Variants in ERC2 observed in about 807,000 individuals in gnomAD.
The protein encoded by ERC2 is ELKS/RAB6-interacting/CAST family member 2.
A neutral mutation model predicts 114.8 loss-of-function variants in ERC2; 42 were observed. The ratio of observed to expected loss-of-function variants is 0.37; its 90% CI spans 0.29 to 0.47. The LOEUF is 0.47. Among genes scored for constraint, ERC2 ranks in the 20% least tolerant of loss-of-function variants. ERC2 has a pLI of 0.99. For missense variants in ERC2, 939 were observed against 1,150.7 expected (o/e 0.82, Z 2.66); for synonymous variants, 454 against 425.5 (o/e 1.07, Z -0.82).
chr3:56,061,589 C>G (rs2076247730), intron 7 of ERC2, among the ~76,000 whole-genome samples: 1 of 152,120 alleles, frequency 6.6e-6, no homozygotes, highest in African/African-American at 2.4e-5. Context: ...AAATAAAGGT[C>G]TTGTGGCAAT....
chr3:56,204,648 G>A (rs181232816), intron 3 of ERC2, among the ~76,000 whole-genome samples: 10 of 151,846 alleles, frequency 6.6e-5, no homozygotes, highest in South Asian at 4.2e-4. Context: ...GATTACAGTC[G>A]TGTACCACCA....
chr3:55,911,483 T>A (rs1186667300), intron 13 of ERC2, among the ~76,000 whole-genome samples: 1 of 152,224 alleles, frequency 6.6e-6, no homozygotes, highest in African/African-American at 2.4e-5. Flanking sequence ...CAGATAATTA[T>A]CTTTAAGGCC....
intron 4 of ERC2, among the ~76,000 whole-genome samples, chr3:56,163,121 T>C (rs1366335937): frequency 6.6e-6 from 1 of 152,170 alleles, no homozygotes; most frequent in Non-Finnish European, 1.5e-5. Context: ...TTTCACTGTT[T>C]ACTCAAAAGT....
intron 2 of ERC2, among the ~76,000 whole-genome samples, chr3:56,318,535 T>A (rs1003748590): frequency 7.3e-5 from 11 of 151,626 alleles, no homozygotes; most frequent in African/African-American, 2.7e-4. Context: ...AAACCATGTA[T>A]CTGATAAGGG....
chr3:56,279,080 G>A (rs768998948), intron 3 of ERC2, among the ~76,000 whole-genome samples: 44 of 152,306 alleles, frequency 2.9e-4, no homozygotes, highest in Admixed American at 1.4e-3. Context: ...CTAGGGGAGA[G>A]ACATACAGAA....
At chr3:55,906,574 G>A (rs746082038) in intron 13 of ERC2, among the ~76,000 whole-genome samples, 5 of 152,070 alleles carry the variant, frequency 3.3e-5, no homozygotes, top group Admixed American at 1.3e-4. Flanking sequence ...CTGAGGATGC[G>A]GTCCAACAAT....
chr3:55,574,549 G>C (rs1158860816), intron 17 of ERC2, among the ~76,000 whole-genome samples: 1 of 152,128 alleles, frequency 6.6e-6, no homozygotes, highest in Non-Finnish European at 1.5e-5. Flanking sequence ...TAAAATCTCA[G>C]GTCTGTTACC....
chr3:56,249,794 A>C (rs2052005767), intron 3 of ERC2, among the ~76,000 whole-genome samples: 1 of 151,440 alleles, frequency 6.6e-6, no homozygotes, highest in African/African-American at 2.4e-5. Context: ...AACTAAGATT[A>C]GTATCCATTT....
At chr3:56,244,114 C>T (rs1217084586) in intron 3 of ERC2, among the ~76,000 whole-genome samples, 1 of 152,088 alleles carries the variant, frequency 6.6e-6, no homozygotes, top group African/African-American at 2.4e-5. Flanking sequence ...ACAAGGAACA[C>T]CACACTATAT....
chr3:55,666,171 C>A (rs902180326), intron 17 of ERC2, among the ~76,000 whole-genome samples: 1 of 152,158 alleles, frequency 6.6e-6, no homozygotes, highest in African/African-American at 2.4e-5. Context: ...AGCTCATCAG[C>A]GGTGGAGCGG....
At chr3:55,679,969 C>T (rs2061983178) in intron 17 of ERC2, among the ~76,000 whole-genome samples, 1 of 152,226 alleles carries the variant, frequency 6.6e-6, no homozygotes, top group South Asian at 2.1e-4. Flanking sequence ...CTCCTTCTTT[C>T]ATTCTTCCAG....
At chr3:56,338,222 G>A (rs192750146) in intron 2 of ERC2, among the ~76,000 whole-genome samples, 8 of 152,284 alleles carry the variant, frequency 5.3e-5, no homozygotes, top group East Asian at 1.9e-4. Context: ...TCCTTACTTC[G>A]TGATGGTTAC....
At chr3:56,416,993 T>C (rs929939602) in intron 2 of ERC2, among the ~76,000 whole-genome samples, 3 of 152,216 alleles carry the variant, frequency 2.0e-5, no homozygotes, top group African/African-American at 7.2e-5. Context: ...GGGGATCATT[T>C]CTTTGGTACA....
At chr3:56,219,152 G>T (rs13070591) in intron 3 of ERC2, among the ~76,000 whole-genome samples, 68,951 of 151,844 alleles carry the variant, frequency 0.45, 16,099 homozygotes, top group East Asian at 0.71. Flanking sequence ...AAATAAAATT[G>T]TAAAAAAAGA....
intron 6 of ERC2, among the ~76,000 whole-genome samples, chr3:56,121,903 A>G (rs1426556074): frequency 2.6e-5 from 4 of 152,212 alleles, no homozygotes. Flanking sequence ...TTGCTGCCAC[A>G]TGTGCTTGAC....
intron 14 of ERC2, among the ~76,000 whole-genome samples, chr3:55,843,291 G>A (rs1296203737): frequency 6.6e-6 from 1 of 152,154 alleles, no homozygotes; most frequent in Non-Finnish European, 1.5e-5. Context: ...AAACTGTCAT[G>A]TTTTTAGGGT....
At chr3:55,554,543 T>C (rs2107444519) in intron 17 of ERC2, among the ~76,000 whole-genome samples, 1 of 152,348 alleles carries the variant, frequency 6.6e-6, no homozygotes, top group East Asian at 1.9e-4. Context: ...AGACACCAAA[T>C]GGATGATACC....
chr3:56,072,544 T>C (rs1389326204), intron 7 of ERC2: 1 of 152,218 alleles, frequency 6.6e-6, no homozygotes, highest in Admixed American at 6.5e-5. Context: ...TTATACTTTT[T>C]AATTGCAAAT....
chr3:55,572,991 C>A (rs2056799423), intron 17 of ERC2, among the ~76,000 whole-genome samples: 1 of 152,168 alleles, frequency 6.6e-6, no homozygotes, highest in African/African-American at 2.4e-5. Flanking sequence ...GGCTGTGTGA[C>A]CTTGAACAAG....
Sources: gnomAD v4.1 joint callset for allele counts (sites outside exome capture counted in the v4.1 genomes callset) on GRCh38, gnomAD v4.1.1 for gene constraint, MANE v1.5 for transcripts, NCBI Gene and HGNC (gene_info 2026-07-23, HGNC 2026-07-21) for gene names.